CIAO3: variants seen among roughly 807,000 people sequenced by gnomAD.
The protein encoded by CIAO3 is LET1 like/JFP15.
In CIAO3, 45 loss-of-function variants were observed where a neutral mutation model predicts 51.5. The observed-to-expected ratio is 0.87, with a 90% confidence interval of 0.69 to 1.12. The LOEUF (loss-of-function observed/expected upper bound fraction) is 1.12, where lower values mean the gene tolerates loss of function less well. Ranked by LOEUF, CIAO3 falls within the 50% of genes most tolerant of loss-of-function variation. CIAO3 has a pLI of 0.00. For missense variants in CIAO3, 668 were observed against 632.5 expected, an observed-to-expected ratio of 1.06 and a Z score of -0.60; for synonymous variants, 314 against 269.3, an observed-to-expected ratio of 1.17 and a Z score of -1.63.
rs1368939997 is a variant in CIAO3 at position 733,380 on chromosome 16, A to C, written c.741T>G (p.Tyr247Ter). 6.2e-7 allele frequency: 1 copy of C among 1,613,788 alleles called. No homozygotes were observed. Among genetic ancestry groups the C allele is most frequent in the African/African-American group, 1.3e-5 (1 of 74,950 alleles). The change falls in exon 7 of 11, where the codon TAT becomes TAG. Residue 247 changes from tyrosine to a stop codon, truncating the protein, a stop_gained. Transcript: ENST00000251588. LOFTEE classifies it high-confidence loss of function. ...KIYHVTVMPCYDKKLEASRPD... is the reference protein window; with the variant it reads ...KIYHVTVMPC ...GTCTGGAGGCTTCCAGCTTTTTGTCATAGCAGGGCATCACTGTGACGTGGT... is the reference window on the plus strand; with the variant it reads ...GTCTGGAGGCTTCCAGCTTTTTGTCCTAGCAGGGCATCACTGTGACGTGGT...
intron 3 of CIAO3, 139 bp from the exon 4 acceptor site, chr16:736,537 C>G (rs2041340465): frequency 1.9e-6 from 2 of 1,045,404 alleles, no homozygotes; most frequent in African/African-American, 3.3e-5. Context: ...TTTTTTAACA[C>G]AGAGTCTCAC....
chr16:734,553 G>T, intron 5 of CIAO3, 184 bp downstream of exon 5: 1 of 1,142,028 alleles, frequency 8.8e-7, no homozygotes, highest in Non-Finnish European at 1.3e-6. Flanking sequence ...ACTGCGCGTG[G>T]CTCCCACGGG....
chr16:738,036 G>A (rs1324554502), intron 2 of CIAO3: 27 of 1,109,760 alleles, frequency 2.4e-5, no homozygotes, highest in Middle Eastern at 4.2e-4. Context: ...GGAACCCCTC[G>A]CAGCCCAGCT....
At chr16:733,597 C>A in intron 6 of CIAO3, 170 bp from the exon 7 acceptor site, 2 of 953,736 alleles carry the variant, frequency 2.1e-6, no homozygotes, top group Non-Finnish European at 3.0e-6. Context: ...CTGGACAGGA[C>A]GGGCCCTGGC....
In CIAO3 at chr16:737,303, C is replaced by G; in HGVS notation, c.189G>C (p.Lys63Asn). 6.2e-7 allele frequency: 1 copy of G among 1,613,274 alleles called. No individual in the cohort carries two copies. Among genetic ancestry groups the G allele is most frequent in the Non-Finnish European group, 8.5e-7 (1 of 1,180,010 alleles). Residue 63 changes from lysine to asparagine, a missense_variant, in exon 3 of 11, where the codon AAG becomes AAC. Physicochemically the swap from Lys to Asn is moderately conservative, Grantham distance 94. Coordinates refer to ENST00000251588, the MANE Select transcript of CIAO3 (RefSeq NM_022493.3). The surrounding 1 kb of genome is among the most constrained non-coding windows in gnomAD (Gnocchi z 5.3). ...GGCAGTCGTTTAGCGAGACCTTGGC[C>G]TTCTCCAGCCTCCGGGTCCCGCCGT... Reference protein sequence around the residue: ...NQDGGTRRLEKAKVSLNDCLA... With the variant: ...NQDGGTRRLENAKVSLNDCLA...
In CIAO3 at chr16:731,714, G is replaced by A. The variant is rs1453827777; in HGVS notation, c.897-12C>T. On this transcript the variant is annotated splice_polypyrimidine_tract_variant and intron_variant, in intron 8 of 10. Coordinates refer to ENST00000251588, the MANE Select transcript of CIAO3 (RefSeq NM_022493.3). The stretch of plus-strand genomic sequence containing the variant: ...AGGCACCGCTGCACCTGGCAAGGAG[G>A]GAGGGGCCTCAGCACAGCTGGGGCT... 3 of 1,544,934 alleles carry A rather than the reference G, an allele frequency of 1.9e-6. No individual in the cohort carries two copies. The highest frequency in any genetic ancestry group is 2.6e-6 in the Non-Finnish European group (3 of 1,148,040).
rs148163204 is a variant in CIAO3 at position 730,713 on chromosome 16, C to T, written c.1193-58G>A. The T allele has an allele frequency of 8.1e-3, 12,874 of 1,584,794 alleles. 244 individuals are homozygous for T. Among genetic ancestry groups the T allele is most frequent in the South Asian group, 0.056 (5,050 of 89,948 alleles). On this transcript the variant is annotated intron_variant, in intron 10 of 10. Coordinates refer to ENST00000251588, the MANE Select transcript of CIAO3 (RefSeq NM_022493.3). ...CCTGCGCCCCAGCCAAGCTTCCTGA[C>T]CACCAGGGAGCAGGGAGGTGACCGG...
rs57355119 is a variant in CIAO3, at chr16:736,518, C to CTTT, written c.307-123_307-121dup. Reference sequence around the variant, plus strand: ...AGGGCAGGCCAGCTCCATCAAGAGTCTTTTTTTTTTTTTTAACACAGAGTC... The same window carrying CTTT: ...AGGGCAGGCCAGCTCCATCAAGAGTCTTTTTTTTTTTTTTTTTAACACAGAGTC... On this transcript the variant is annotated intron_variant, in intron 3 of 10. Coordinates refer to ENST00000251588, the MANE Select transcript of CIAO3 (RefSeq NM_022493.3). The CTTT allele has an allele frequency of 2.9e-4, 288 of 986,450 alleles. 1 individual carries two copies. In the African/African-American group the frequency reaches 4.4e-3, roughly 15 times the overall value. 61.1% of individuals were successfully genotyped at this position (986,450 alleles called of 1,614,324 possible).
chr16:739,945 A>AG, intron 1 of CIAO3: 1 of 1,420,996 alleles, frequency 7.0e-7, no homozygotes, highest in Non-Finnish European at 9.5e-7. Context: ...GCGGCACTGA[A>AG]GTTCCCAGTG....
intron 8 of CIAO3, chr16:731,988 C>T (rs941250564): frequency 9.5e-6 from 5 of 525,344 alleles, no homozygotes; most frequent in African/African-American, 3.8e-5. Flanking sequence ...CATGCCTCAA[C>T]CTCCCAAGTA....
Position 737,451 on chromosome 16 carries a change from G to C in CIAO3, c.163-122C>G. The C allele has an allele frequency of 6.4e-7, 1 of 1,553,510 alleles. No homozygotes were observed. The highest frequency in any genetic ancestry group is 8.7e-7 in the Non-Finnish European group (1 of 1,150,608). ...TGGCTGCTGGCTGGGCTTGTGTGCC[G>C]CTGAATTTTTAAAAATTAGGTATGT... On this transcript the variant is annotated intron_variant, in intron 2 of 10. Transcript: ENST00000251588. This position sits in a 1 kb window ranked among gnomAD's most constrained non-coding sequence, Gnocchi z 5.3.
rs1032750863 is a variant in CIAO3, at chr16:729,809, G to T, written c.*608C>A. The T allele has an allele frequency of 5.2e-6, 5 of 969,026 alleles. No homozygotes were observed. The African/African-American group carries it at 6.7e-5, about 13-fold the overall frequency. 60.0% of individuals were successfully genotyped at this position (969,026 alleles called of 1,614,324 possible). Reference sequence around the variant, plus strand: ...TTATTAGACAAACGCTGGGAGACAGGCCTGGTGGGGACCTGGCTGGGGGAT... The same window carrying T: ...TTATTAGACAAACGCTGGGAGACAGTCCTGGTGGGGACCTGGCTGGGGGAT... On this transcript the variant is annotated 3_prime_UTR_variant, in exon 11 of 11. Coordinates refer to ENST00000251588, the MANE Select transcript of CIAO3 (RefSeq NM_022493.3).
Position 732,377 on chromosome 16 carries a change from C to T in CIAO3, c.824-4G>A. 3 of 1,612,674 alleles carry T rather than the reference C, an allele frequency of 1.9e-6. No individual in the cohort carries two copies. The highest frequency in any genetic ancestry group is 1.7e-6 in the Non-Finnish European group (2 of 1,179,802). ...TCCAGCAACCTGAAAACTTCTCCTG[C>T]AAAGAAGCCACAGCGCAGACACTCT... On this transcript the variant is annotated splice_polypyrimidine_tract_variant and splice_region_variant and intron_variant, in intron 7 of 10. Transcript: ENST00000251588.
Position 731,636 on chromosome 16 carries a change from C to T in CIAO3, c.963G>A (p.Glu321=), listed in dbSNP as rs1208263936. The T allele has an allele frequency of 9.0e-6, 14 of 1,559,524 alleles. No homozygotes were observed. Among genetic ancestry groups the T allele is most frequent in the Non-Finnish European group, 1.0e-5 (12 of 1,152,356 alleles). ...HRGGGSGGYL[E]HVFRHAAREL... is the part of the protein sequence containing the mutation. The stretch of plus-strand genomic sequence containing the variant: ...CTCGGGCCGCGTGCCGGAACACGTG[C>T]TCCAGGTAGCCCCCCGAGCCCCCTC... Residue 321 remains glutamate (E), a synonymous_variant, in exon 9 of 11, where the codon GAG becomes GAA. Coordinates refer to ENST00000251588, the MANE Select transcript of CIAO3 (RefSeq NM_022493.3).
chr16:731,880 T>C, intron 8 of CIAO3, 178 bp from the exon 9 acceptor site: 1 of 854,972 alleles, frequency 1.2e-6, no homozygotes, highest in East Asian at 2.8e-5. Context: ...TTCTTGTTTT[T>C]TTTTTTGAGA....
At chr16:740,309 T>G (rs1323054051) in intron 1 of CIAO3, 2 of 354,550 alleles carry the variant, frequency 5.6e-6, no homozygotes, top group Non-Finnish European at 1.1e-5. Context: ...AAAGGGCGCC[T>G]GCAGCCTCCC....
At chr16:733,698 C>G in intron 6 of CIAO3, 1 of 472,900 alleles carries the variant, frequency 2.1e-6, no homozygotes, top group African/African-American at 2.0e-5. Flanking sequence ...TCCCACGGCT[C>G]GGGCCGTCTC....
At chr16:736,984 A>T in intron 3 of CIAO3, 3 of 646,168 alleles carry the variant, frequency 4.6e-6, no homozygotes, top group Non-Finnish European at 7.9e-6. Context: ...TTTGATGTAT[A>T]TTTAGAACCT....
Position 730,129 on chromosome 16 carries a change from C to G in CIAO3, c.*288G>C. On this transcript the variant is annotated 3_prime_UTR_variant, in exon 11 of 11. Transcript: ENST00000251588. ...GCCCGACCAGCAGCAGCAAGGGCAG[C>G]ACCTGTGGGCCTCGGCCCAGGGCCA... 1 of 530,326 alleles carries G rather than the reference C, an allele frequency of 1.9e-6. No individual in the cohort carries two copies. The highest frequency in any genetic ancestry group is 3.4e-6 in the Non-Finnish European group (1 of 295,938). 32.9% of individuals were successfully genotyped at this position (530,326 alleles called of 1,614,324 possible). A position where few individuals can be genotyped will look rare whatever the true frequency, so the allele number is the denominator to read the frequency against.
Sources: allele counts gnomAD v4.1 joint callset, GRCh38; gene constraint gnomAD v4.1.1; non-coding constraint Gnocchi (gnomAD v3.1); transcripts MANE v1.5; gene names NCBI Gene and HGNC (gene_info 2026-07-23, HGNC 2026-07-21).